Variants in MAP4K5 observed in about 807,000 individuals in gnomAD.
MAP4K5 encodes MAPK/ERK kinase kinase kinase 5.
MAP4K5 carries 82 observed loss-of-function variants against 135.6 expected under a neutral mutation model. The observed-to-expected ratio is 0.60, with a 90% CI of 0.51 to 0.73. The LOEUF is 0.73. Ranked by LOEUF, MAP4K5 falls within the 30% of genes least tolerant of loss-of-function variation. The probability of loss-of-function intolerance (pLI) is 0.00; values close to 1 mark genes in which losing one functional copy is unlikely to be tolerated. For missense variants in MAP4K5, 907 were observed against 1,010.9 expected, an observed-to-expected ratio of 0.90 and a Z score of 1.39; for synonymous variants, 347 against 335.0, an observed-to-expected ratio of 1.04 and a Z score of -0.39.
chr14:50,490,878 T>C (rs890619398), intron 3 of MAP4K5, among the ~76,000 whole-genome samples: 7 of 152,080 alleles, frequency 4.6e-5, no homozygotes, highest in Admixed American at 1.3e-4. Flanking sequence ...TGTAAAAACA[T>C]AGTAAGAAAA....
chr14:50,520,810 G>A (rs912226037), intron 2 of MAP4K5, among the ~76,000 whole-genome samples: 5 of 147,896 alleles, frequency 3.4e-5, no homozygotes, highest in African/African-American at 1.2e-4. Context: ...GTGGCTATCG[G>A]CAAAGTCATC....
intron 9 of MAP4K5, among the ~76,000 whole-genome samples, chr14:50,469,460 A>T (rs899131337): frequency 1.3e-5 from 2 of 152,228 alleles, no homozygotes; most frequent in African/African-American, 2.4e-5. Context: ...TGTTTATACA[A>T]AAAAGGTTAG....
At chr14:50,557,745 A>T (rs376621379) in intron 1 of MAP4K5, among the ~76,000 whole-genome samples, 1 of 152,358 alleles carries the variant, frequency 6.6e-6, no homozygotes, top group East Asian at 1.9e-4. Flanking sequence ...GTCCACTGAA[A>T]GGGTCTAGAA....
At chr14:50,556,017 A>C (rs1305267470) in intron 1 of MAP4K5, among the ~76,000 whole-genome samples, 1 of 152,194 alleles carries the variant, frequency 6.6e-6, no homozygotes, top group Non-Finnish European at 1.5e-5. Context: ...ATACAGGGGG[A>C]AGAGAATAGT....
intron 2 of MAP4K5, among the ~76,000 whole-genome samples, chr14:50,527,751 A>G (rs2038297557): frequency 6.6e-6 from 1 of 151,970 alleles, no homozygotes; most frequent in Admixed American, 6.5e-5. Context: ...AATCAGATAA[A>G]GCAATAAAGC....
At chr14:50,460,618 G>A (rs2036691502) in intron 13 of MAP4K5, among the ~76,000 whole-genome samples, 1 of 152,122 alleles carries the variant, frequency 6.6e-6, no homozygotes, top group Non-Finnish European at 1.5e-5. Context: ...AAACAATTTT[G>A]TTTGGCTGGT....
Position 50,512,169 on chromosome 14 carries a change from T to C in MAP4K5, c.109-7312A>G, listed in dbSNP as rs573712728. Reference sequence around the variant, plus strand: ...GGGGTTGGCTAAATGTAATTCTATGTACTATGTGCTTTATTACTCTGTAAA... The same window carrying C: ...GGGGTTGGCTAAATGTAATTCTATGCACTATGTGCTTTATTACTCTGTAAA... On this transcript the variant is annotated intron_variant, in intron 2 of 32. Transcript: ENST00000682126. 9.2e-5 allele frequency among the ~76,000 whole-genome samples: 14 copies of C among 152,256 alleles called. No individual in the cohort carries two copies. In the South Asian group the frequency reaches 2.7e-3, roughly 29 times the overall value.
At chr14:50,452,346 T>C (rs1461325962) in intron 14 of MAP4K5, among the ~76,000 whole-genome samples, 1 of 152,192 alleles carries the variant, frequency 6.6e-6, no homozygotes, top group Admixed American at 6.5e-5. Context: ...TCAGAAATCC[T>C]GAGACTTCCT....
intron 2 of MAP4K5, among the ~76,000 whole-genome samples, chr14:50,513,759 T>C (rs2037976865): frequency 6.6e-6 from 1 of 152,224 alleles, no homozygotes; most frequent in Non-Finnish European, 1.5e-5. Flanking sequence ...ACAAAACTTT[T>C]CCATTAAGCC....
intron 14 of MAP4K5, 167 bp downstream of exon 14, chr14:50,456,349 C>G (rs2036593777): frequency 3.4e-6 from 2 of 581,748 alleles, no homozygotes; most frequent in Non-Finnish European, 3.0e-6. Flanking sequence ...AAATTACAAA[C>G]CAAGGGAATT....
chr14:50,420,001 G>C lies in MAP4K5; in HGVS notation c.*18C>G, dbSNP rs1161794694. The C allele has an allele frequency of 1.3e-6, 2 of 1,540,068 alleles. No homozygotes were observed. The highest frequency in any genetic ancestry group is 3.5e-5 in the Admixed American group (2 of 56,486). ...GAGTATATTCATTTTCCTGTCATTT[G>C]AGATCAGTTTCTGTTGCTTAGTAAC... On this transcript the variant is annotated 3_prime_UTR_variant, in exon 33 of 33. Coordinates refer to ENST00000682126, the MANE Select transcript of MAP4K5 (RefSeq NM_006575.6).
At chr14:50,482,247 T>G in intron 6 of MAP4K5, 114 bp downstream of exon 6, 2 of 581,278 alleles carry the variant, frequency 3.4e-6, no homozygotes, top group Non-Finnish European at 5.9e-6. Flanking sequence ...CCCTTTCTCT[T>G]TAAGGTAGAC....
intron 2 of MAP4K5, among the ~76,000 whole-genome samples, chr14:50,527,434 T>C (rs972447674): frequency 7.9e-5 from 12 of 152,136 alleles, no homozygotes; most frequent in Admixed American, 7.9e-4. Context: ...AAATGTACTT[T>C]TGTAGAATAT....
intron 1 of MAP4K5, among the ~76,000 whole-genome samples, chr14:50,548,754 C>T (rs1303582206): frequency 6.6e-6 from 1 of 152,126 alleles, no homozygotes; most frequent in Non-Finnish European, 1.5e-5. Context: ...TTGTGATCCG[C>T]CTGCCTCAGC....
At chr14:50,551,479 T>G (rs1171522505) in intron 1 of MAP4K5, among the ~76,000 whole-genome samples, 2 of 152,130 alleles carry the variant, frequency 1.3e-5, no homozygotes. Context: ...CTACTGAAAC[T>G]ATTTCAAAAG....
At chr14:50,478,834 A>G (rs1478833341) in intron 6 of MAP4K5, among the ~76,000 whole-genome samples, 1 of 152,062 alleles carries the variant, frequency 6.6e-6, no homozygotes, top group African/African-American at 2.4e-5. Flanking sequence ...TTTTAGGTTG[A>G]CAATTTTTTT....
rs2036890299 is a variant in MAP4K5, at chr14:50,468,787, A to G, written c.543-5T>C. The G allele has an allele frequency of 6.2e-7, 1 of 1,604,542 alleles. No homozygotes were observed. Among genetic ancestry groups the G allele is most frequent in the South Asian group, 1.1e-5 (1 of 89,472 alleles). On this transcript the variant is annotated splice_polypyrimidine_tract_variant and splice_region_variant and intron_variant, in intron 9 of 32. Transcript: ENST00000682126. The stretch of plus-strand genomic sequence containing the variant: ...GCTGCAACTTCTGGGGCCATCCTAG[A>G]AGGAATCAATGAATACAACATTTTT...
intron 2 of MAP4K5, among the ~76,000 whole-genome samples, chr14:50,540,478 G>A (rs1057222126): frequency 1.3e-5 from 2 of 152,140 alleles, no homozygotes; most frequent in African/African-American, 2.4e-5. Context: ...GTGCAGCCAG[G>A]TATAAACGGT....
At chr14:50,423,089 TG>T in intron 32 of MAP4K5, 31 bp downstream of exon 32, 1 of 1,133,198 alleles carries the variant, frequency 8.8e-7, no homozygotes, top group Non-Finnish European at 1.3e-6. Flanking sequence ...TGAACTCCTT[TG>T]GTAATTAAAT....
Sources: allele counts gnomAD v4.1 joint callset (sites outside exome capture counted in the v4.1 genomes callset), GRCh38; gene constraint gnomAD v4.1.1; transcripts MANE v1.5; gene names NCBI Gene and HGNC (gene_info 2026-07-23, HGNC 2026-07-21).